Variants in RACGAP1 observed in about 807,000 individuals in gnomAD.
RACGAP1 encodes the protein rac GTPase-activating protein 1.
RACGAP1 carries 30 observed loss-of-function variants against 78.1 expected under a neutral mutation model. The observed-to-expected ratio is 0.38, with a 90% confidence interval of 0.29 to 0.52. The LOEUF is 0.52. Ranked by LOEUF, RACGAP1 falls within the 20% of genes least tolerant of loss-of-function variation. The pLI is 0.82. For synonymous variants in RACGAP1, 231 were observed against 264.8 expected (o/e 0.87, Z 1.24); for missense variants, 587 against 777.1 (o/e 0.76, Z 2.91).
At chr12:49,996,588 C>T (rs935317282) in intron 10 of RACGAP1, among the ~76,000 whole-genome samples, 7 of 117,442 alleles carry the variant, frequency 6.0e-5, no homozygotes, top group African/African-American at 2.3e-4. Context: ...TTGCAGTGAG[C>T]TGACATCCTG....
intron 1 of RACGAP1, chr12:50,021,156 T>C (rs1468704223): frequency 1.0e-6 from 1 of 977,880 alleles, no homozygotes; most frequent in African/African-American, 1.8e-5. Context: ...ATGTATTATT[T>C]AGTCCATAGC....
chr12:50,010,332 T>C (rs2137511406), intron 2 of RACGAP1, among the ~76,000 whole-genome samples: 1 of 151,576 alleles, frequency 6.6e-6, no homozygotes, highest in South Asian at 2.1e-4. Flanking sequence ...TTTTTTTTTT[T>C]CTTTTTTAAG....
Position 49,999,618 on chromosome 12 carries a change from G to T in RACGAP1, c.746C>A (p.Thr249Lys). 6.2e-7 allele frequency: 1 copy of T among 1,612,760 alleles called. No individual in the cohort carries two copies. The highest frequency in any genetic ancestry group is 8.5e-7 in the Non-Finnish European group (1 of 1,178,808). Residue 249 changes from threonine to lysine, a missense_variant and splice_region_variant, in exon 8 of 17, where the codon ACA becomes AAA. Coordinates refer to ENST00000312377, the MANE Select transcript of RACGAP1 (RefSeq NM_001319999.2). ...GTTTAGTCACAAATTCAATGGACCTGTTTTCCTTCGGCTCCTGGTCCAATA... is the reference window on the plus strand; with the variant it reads ...GTTTAGTCACAAATTCAATGGACCTTTTTTCCTTCGGCTCCTGGTCCAATA... ...VPYWTRSRRK[T>K]GTLQPWNSDS...
intron 1 of RACGAP1, among the ~76,000 whole-genome samples, chr12:50,022,736 G>A (rs1950078541): frequency 6.6e-6 from 1 of 152,128 alleles, no homozygotes; most frequent in East Asian, 1.9e-4. Flanking sequence ...ATAATTTTGT[G>A]TTTTGCTTCT....
upstream of RACGAP1, among the ~76,000 whole-genome samples, chr12:50,028,006 T>A (rs770927079): frequency 6.6e-6 from 1 of 152,246 alleles, no homozygotes; most frequent in South Asian, 2.1e-4. Context: ...GAGACCACAC[T>A]AGGAACGGAT....
chr12:49,990,293 A>G lies in RACGAP1; in HGVS notation c.1874T>C (p.Phe625Ser). Residue 625 changes from phenylalanine to serine, a missense_variant, in exon 17 of 17, where the codon TTT becomes TCT. Transcript: ENST00000312377. ...TCACTTGAGCATTGGAGAAGCAAAA[A>G]AGTTGCCTTGTCGTCCTAGGTTAGT... ...SATNLGRQGN[F>S]FASPMLK The G allele has an allele frequency of 6.2e-7, 1 of 1,613,996 alleles. No homozygotes were observed. The highest frequency in any genetic ancestry group is 8.5e-7 in the Non-Finnish European group (1 of 1,179,860).
At chr12:50,012,433 T>A (rs968741862) in intron 2 of RACGAP1, among the ~76,000 whole-genome samples, 1 of 150,128 alleles carries the variant, frequency 6.7e-6, no homozygotes, top group Admixed American at 6.6e-5. Flanking sequence ...TGGTGGCACA[T>A]GCCTGTAATC....
chr12:50,027,523 G>A (rs1292642562), upstream of RACGAP1, among the ~76,000 whole-genome samples: 1 of 152,110 alleles, frequency 6.6e-6, no homozygotes, highest in Non-Finnish European at 1.5e-5. Flanking sequence ...AATGAGGCAA[G>A]CATATATTTA....
At chr12:49,994,062 A>T (rs1046640076) in intron 12 of RACGAP1, 69 bp downstream of exon 12, 30 of 1,393,080 alleles carry the variant, frequency 2.2e-5, no homozygotes, top group East Asian at 4.7e-5. Context: ...AATAAATAAA[A>T]AAATAAAGAG....
chr12:50,004,384 C>T (rs1592168831), intron 4 of RACGAP1, 80 bp from the exon 5 acceptor site: 1 of 1,526,822 alleles, frequency 6.5e-7, no homozygotes, highest in African/African-American at 1.4e-5. Context: ...ACAAGTCCTA[C>T]TGGTCAGGTA....
At chr12:50,024,133 C>T (rs541739233) in intron 1 of RACGAP1, among the ~76,000 whole-genome samples, 34 of 152,078 alleles carry the variant, frequency 2.2e-4, no homozygotes, top group African/African-American at 7.7e-4. Flanking sequence ...TGCACTCCAG[C>T]CTGGGCGACA....
At chr12:49,994,593 T>A in intron 10 of RACGAP1, 84 bp from the exon 11 acceptor site, 1 of 1,512,146 alleles carries the variant, frequency 6.6e-7, no homozygotes, top group Non-Finnish European at 8.8e-7. Context: ...CCACCTCCAA[T>A]CTTATTCTCA....
At chr12:50,008,243 G>A (rs531711932) in intron 2 of RACGAP1, among the ~76,000 whole-genome samples, 1 of 147,490 alleles carries the variant, frequency 6.8e-6, no homozygotes, top group African/African-American at 2.6e-5. Flanking sequence ...TTGTTGCCCA[G>A]GCAGAAGTGC....
intron 4 of RACGAP1, 28 bp downstream of exon 4, chr12:50,005,228 A>G: frequency 3.1e-6 from 5 of 1,612,340 alleles, no homozygotes; most frequent in Non-Finnish European, 4.2e-6. Context: ...TGCTTGTGAT[A>G]GGATAACAAC....
chr12:49,992,160 A>T, intron 14 of RACGAP1, 27 bp from the exon 15 acceptor site: 1 of 1,612,726 alleles, frequency 6.2e-7, no homozygotes, highest in East Asian at 2.2e-5. Context: ...CTGTTAGCAA[A>T]CTTCCAAAGC....
At chr12:49,996,657 A>AAAAAAAAAAAAAAAAAAAAAAAAAAAAAG (rs1948298422) in intron 10 of RACGAP1, among the ~76,000 whole-genome samples, 1 of 138,560 alleles carries the variant, frequency 7.2e-6, no homozygotes, top group Non-Finnish European at 1.5e-5. Context: ...AAAAAAAAAA[A>AAAAAAAAAAAAAAAAAAAAAAAAAAAAAG]AAAAAAAAAA....
intron 10 of RACGAP1, 141 bp downstream of exon 10, chr12:49,996,899 A>C (rs1384160473): frequency 1.5e-6 from 2 of 1,303,502 alleles, no homozygotes; most frequent in Non-Finnish European, 2.0e-6. Flanking sequence ...CTCTTCTACA[A>C]GTAAGTATCT....
intron 15 of RACGAP1, among the ~76,000 whole-genome samples, chr12:49,991,479 A>ATATTT (rs1555169074): frequency 4.2e-5 from 1 of 24,090 alleles, no homozygotes; most frequent in African/African-American, 1.4e-4. Flanking sequence ...ATATATATAT[A>ATATTT]TTTTTTTTTT....
intron 2 of RACGAP1, among the ~76,000 whole-genome samples, chr12:50,030,581 C>G (rs1950323392): frequency 6.6e-6 from 1 of 150,940 alleles, no homozygotes; most frequent in Non-Finnish European, 1.5e-5. Context: ...CCCAGCTACT[C>G]AGGAGGCTGA....
Sources: gnomAD v4.1 joint callset for allele counts (sites outside exome capture counted in the v4.1 genomes callset) on GRCh38, gnomAD v4.1.1 for gene constraint, MANE v1.5 for transcripts, NCBI Gene and HGNC (gene_info 2026-07-23, HGNC 2026-07-21) for gene names.